CACNA2D1: variants seen among roughly 807,000 people sequenced by gnomAD.
CACNA2D1 encodes calcium voltage-gated channel auxiliary subunit alpha2delta 1, also known as voltage-dependent calcium channel subunit alpha-2/delta-1.
CACNA2D1 carries 53 observed loss-of-function variants against 171.5 expected under a neutral mutation model. The observed-to-expected ratio is 0.31, with a 90% CI of 0.25 to 0.39. CACNA2D1 has a LOEUF of 0.39. CACNA2D1 is among the 10% of genes least tolerant of loss of function. The pLI is 1.00. For missense variants in CACNA2D1, 903 were observed against 1,299.8 expected (o/e 0.69, Z 4.69); for synonymous variants, 442 against 443.1 (o/e 1.00, Z 0.03).
At chr7:82,036,319 G>C (rs1210315736) in intron 11 of CACNA2D1, among the ~76,000 whole-genome samples, 1 of 152,022 alleles carries the variant, frequency 6.6e-6, no homozygotes, top group Non-Finnish European at 1.5e-5. Flanking sequence ...ATACCTCATG[G>C]CCTTTCCATT....
intron 1 of CACNA2D1, among the ~76,000 whole-genome samples, chr7:82,432,847 A>T (rs1829812897): frequency 6.6e-6 from 1 of 152,174 alleles, no homozygotes; most frequent in African/African-American, 2.4e-5. Context: ...TTTTTCAATG[A>T]TATTACTGGA....
Position 82,059,643 on chromosome 7 carries a change from T to C in CACNA2D1, c.879+785A>G, listed in dbSNP as rs187917134. Among the ~76,000 whole-genome samples the C allele has an allele frequency of 7.6e-4, 115 of 152,056 alleles. No homozygotes were observed. The Middle Eastern group carries it at 0.024, about 31-fold the overall frequency. On this transcript the variant is annotated intron_variant, in intron 10 of 38. Transcript: ENST00000356860. Reference sequence around the variant, plus strand: ...ATTTATAGTCATTACTTCAATTACTTTAACCAGGGATAAATTCTTAGAAAC... The same window carrying C: ...ATTTATAGTCATTACTTCAATTACTCTAACCAGGGATAAATTCTTAGAAAC...
At chr7:82,342,344 C>T (rs1156689850) in intron 2 of CACNA2D1, among the ~76,000 whole-genome samples, 1 of 152,100 alleles carries the variant, frequency 6.6e-6, no homozygotes, top group Non-Finnish European at 1.5e-5. Flanking sequence ...TTCACTGGTA[C>T]GTAACCAGCG....
chr7:81,968,861 T>G, intron 29 of CACNA2D1, 26 bp downstream of exon 29: 1 of 1,153,782 alleles, frequency 8.7e-7, no homozygotes. Context: ...TTTGATTGTG[T>G]TTTTGTATTT....
At chr7:82,343,952 G>C (rs1818966424) in intron 2 of CACNA2D1, among the ~76,000 whole-genome samples, 1 of 152,072 alleles carries the variant, frequency 6.6e-6, no homozygotes, top group Non-Finnish European at 1.5e-5. Context: ...TTAACAAATG[G>C]CTTTTCTAAA....
chr7:82,220,608 T>C (rs1240300520), intron 3 of CACNA2D1, among the ~76,000 whole-genome samples: 1 of 152,008 alleles, frequency 6.6e-6, no homozygotes, highest in Non-Finnish European at 1.5e-5. Flanking sequence ...CTCATATGAG[T>C]AATAATATAT....
intron 3 of CACNA2D1, among the ~76,000 whole-genome samples, chr7:82,254,531 G>A (rs1806054429): frequency 6.6e-6 from 1 of 152,026 alleles, no homozygotes; most frequent in African/African-American, 2.4e-5. Flanking sequence ...ACTATTAGCA[G>A]CTTTTAAGTG....
rs932212302 is a variant in CACNA2D1, at chr7:82,170,967, C to T, written c.295-358G>A. ...ATAGAATCTTATTTTTAGTAAATAC[C>T]TTTGGAGCATACATTTCTCTTAAAA... On this transcript the variant is annotated intron_variant, in intron 3 of 38. Transcript: ENST00000356860. Among the ~76,000 whole-genome samples the T allele has an allele frequency of 2.0e-5, 3 of 151,854 alleles. No individual in the cohort carries two copies. In the East Asian group the frequency reaches 5.8e-4, roughly 29 times the overall value.
intron 3 of CACNA2D1, among the ~76,000 whole-genome samples, chr7:82,317,470 C>A (rs948218847): frequency 6.6e-6 from 1 of 152,228 alleles, no homozygotes; most frequent in Admixed American, 6.5e-5. Context: ...GCCTTCTATG[C>A]AGCTGAAAAA....
Position 82,443,348 on chromosome 7 carries a change from C to T in CACNA2D1, c.95+17G>A, listed in dbSNP as rs773632215. The T allele has an allele frequency of 1.1e-5, 17 of 1,598,264 alleles. No individual in the cohort carries two copies. Among genetic ancestry groups the T allele is most frequent in the Non-Finnish European group, 1.4e-5 (17 of 1,172,880 alleles). On this transcript the variant is annotated intron_variant, in intron 1 of 38. Coordinates refer to ENST00000356860, the MANE Select transcript of CACNA2D1 (RefSeq NM_000722.4). ...GCGCCCCTCGGCCGGCGCTCCCTGCCCGGCCCGCCGACTTACGTGACGGCC... is the reference window on the plus strand; with the variant it reads ...GCGCCCCTCGGCCGGCGCTCCCTGCTCGGCCCGCCGACTTACGTGACGGCC...
intron 24 of CACNA2D1, among the ~76,000 whole-genome samples, chr7:81,980,584 G>A (rs1202994919): frequency 1.4e-5 from 2 of 139,962 alleles, no homozygotes; most frequent in Non-Finnish European, 3.1e-5. Context: ...TTTAGCAGAT[G>A]AGAAATATGA....
intron 31 of CACNA2D1, among the ~76,000 whole-genome samples, chr7:81,966,066 G>T (rs1584212540): frequency 6.6e-6 from 1 of 151,744 alleles, no homozygotes; most frequent in East Asian, 1.9e-4. Context: ...TATCATTTTA[G>T]TTGTCCTGTT....
chr7:82,141,748 A>T (rs1326586580), intron 4 of CACNA2D1, among the ~76,000 whole-genome samples: 3 of 152,222 alleles, frequency 2.0e-5, no homozygotes, highest in Admixed American at 6.5e-5. Flanking sequence ...TTTTCAAAAC[A>T]GTTGAGAATT....
intron 2 of CACNA2D1, 68 bp downstream of exon 2, chr7:82,349,500 C>T: frequency 8.3e-7 from 1 of 1,211,430 alleles, no homozygotes; most frequent in Admixed American, 1.7e-5. Context: ...GACACAGTTT[C>T]CTAGAAGATA....
chr7:81,955,980 A>ATATATATATATT (rs58075516), intron 38 of CACNA2D1, among the ~76,000 whole-genome samples: 1 of 34,552 alleles, frequency 2.9e-5, no homozygotes, highest in Non-Finnish European at 4.9e-5. Context: ...ATATATATAT[A>ATATATATATATT]TTTTTTTTTT....
intron 18 of CACNA2D1, among the ~76,000 whole-genome samples, chr7:81,998,497 T>C (rs1477237317): frequency 6.6e-6 from 1 of 152,056 alleles, no homozygotes; most frequent in Non-Finnish European, 1.5e-5. Flanking sequence ...TTGAATGACA[T>C]AGTATACACG....
At chr7:82,245,758 C>T (rs968410491) in intron 3 of CACNA2D1, among the ~76,000 whole-genome samples, 3 of 151,806 alleles carry the variant, frequency 2.0e-5, no homozygotes, top group Non-Finnish European at 4.4e-5. Context: ...CCATTTTGAT[C>T]TAGGAGAAAC....
At chr7:82,087,532 T>C (rs1380208875) in intron 6 of CACNA2D1, among the ~76,000 whole-genome samples, 1 of 146,140 alleles carries the variant, frequency 6.8e-6, no homozygotes, top group Non-Finnish European at 1.5e-5. Flanking sequence ...ACTAGGAAAG[T>C]TTTTTCTCAA....
chr7:82,432,533 A>T (rs1829775683), intron 1 of CACNA2D1, among the ~76,000 whole-genome samples: 1 of 152,192 alleles, frequency 6.6e-6, no homozygotes, highest in South Asian at 2.1e-4. Flanking sequence ...TTGTTTAGAG[A>T]TGAGCCTATG....
Sources: gnomAD v4.1 joint callset for allele counts (sites outside exome capture counted in the v4.1 genomes callset) on GRCh38, gnomAD v4.1.1 for gene constraint, MANE v1.5 for transcripts, NCBI Gene and HGNC (gene_info 2026-07-23, HGNC 2026-07-21) for gene names.